VTI1A: variants seen among roughly 807,000 people sequenced by gnomAD.
VTI1A encodes vesicle transport through interaction with t-SNAREs homolog 1A.
A neutral mutation model predicts 34.9 loss-of-function variants in VTI1A; 22 were observed. The observed-to-expected ratio is 0.63, with a 90% CI of 0.45 to 0.90. The LOEUF (loss-of-function observed/expected upper bound fraction) is 0.90, where lower values mean the gene tolerates loss of function less well. VTI1A is among the 40% of genes least tolerant of loss of function. The probability of loss-of-function intolerance (pLI) is 0.00; values close to 1 mark genes in which losing one functional copy is unlikely to be tolerated. For synonymous variants in VTI1A, 87 were observed against 97.3 expected (o/e 0.89, Z 0.62); for missense variants, 268 against 275.6 (o/e 0.97, Z 0.20).
intron 7 of VTI1A, among the ~76,000 whole-genome samples, chr10:112,719,239 A>G (rs1849709915): frequency 6.6e-6 from 1 of 152,196 alleles, no homozygotes; most frequent in African/African-American, 2.4e-5. Context: ...TGTTTATTCA[A>G]TTTTACTTCC....
intron 5 of VTI1A, among the ~76,000 whole-genome samples, chr10:112,646,971 T>A (rs1214688011): frequency 6.6e-6 from 1 of 152,200 alleles, no homozygotes; most frequent in Non-Finnish European, 1.5e-5. Flanking sequence ...TATTTTTATT[T>A]CTTTGCATGC....
At chr10:112,684,999 G>A (rs528693195) in intron 7 of VTI1A, among the ~76,000 whole-genome samples, 11 of 152,176 alleles carry the variant, frequency 7.2e-5, no homozygotes, top group South Asian at 4.2e-4. Context: ...CTGGCATTTC[G>A]TGTTTCAGAA....
the VTI1A span, among the ~76,000 whole-genome samples, chr10:112,843,854 C>T: frequency 6.6e-6 from 1 of 152,076 alleles, no homozygotes; most frequent in Non-Finnish European, 1.5e-5. Context: ...TCCAGGCCTA[C>T]CACGTGATCT....
chr10:112,611,305 T>C (rs190911421), intron 5 of VTI1A, among the ~76,000 whole-genome samples: 12 of 152,352 alleles, frequency 7.9e-5, no homozygotes, highest in Non-Finnish European at 1.5e-4. Context: ...CTCTACTCTT[T>C]TTATTGCCAT....
At chr10:112,693,760 G>A (rs1300713593) in intron 7 of VTI1A, among the ~76,000 whole-genome samples, 1 of 152,172 alleles carries the variant, frequency 6.6e-6, no homozygotes, top group African/African-American at 2.4e-5. Flanking sequence ...CTTTCTGAGT[G>A]CTGACTGACC....
intron 5 of VTI1A, among the ~76,000 whole-genome samples, chr10:112,625,990 CT>C (rs1291075646): frequency 6.6e-6 from 1 of 152,212 alleles, no homozygotes; most frequent in Non-Finnish European, 1.5e-5. Context: ...ATTTTTATTA[CT>C]GTTTTGTCTA....
At chr10:112,681,870 G>A (rs1412097994) in intron 7 of VTI1A, among the ~76,000 whole-genome samples, 2 of 152,062 alleles carry the variant, frequency 1.3e-5, no homozygotes, top group Admixed American at 1.3e-4. Context: ...TTTTATTGTG[G>A]CATATTATTA....
In VTI1A at chr10:112,447,288, T is replaced by C. The variant is rs528822443; in HGVS notation, c.-86T>C. Reference sequence around the variant, plus strand: ...CTGCTCTCGGGGGCACCTTCCGGGGTTCCTAAGCCGCGGGGCCCCTCGCTG... The same window carrying C: ...CTGCTCTCGGGGGCACCTTCCGGGGCTCCTAAGCCGCGGGGCCCCTCGCTG... On this transcript the variant is annotated 5_prime_UTR_variant, in exon 1 of 8. Coordinates refer to ENST00000393077, the MANE Select transcript of VTI1A (RefSeq NM_145206.4). 3.7e-4 allele frequency: 536 copies of C among 1,455,564 alleles called. 5 individuals carry two copies. The South Asian group carries it at 6.2e-3, about 17-fold the overall frequency. The allele number at this position is 1,455,564 out of a possible 1,614,324, so 90.2% of individuals were successfully genotyped here.
chr10:112,635,400 C>CA lies in VTI1A; in HGVS notation c.428-32815dup, dbSNP rs1846316629. Among the ~76,000 whole-genome samples, 3 of 152,136 alleles carry CA rather than the reference C, an allele frequency of 2.0e-5. No individual in the cohort carries two copies. In the South Asian group the frequency reaches 6.2e-4, roughly 32 times the overall value. ...ATTCCAGACAGGGAACCGCAAGGGT[C>CA]AAAGCTCAGAGGTGGCCAAGTCTAG... On this transcript the variant is annotated intron_variant, in intron 5 of 7. Coordinates refer to ENST00000393077, the MANE Select transcript of VTI1A (RefSeq NM_145206.4).
intron 5 of VTI1A, among the ~76,000 whole-genome samples, chr10:112,541,352 A>C (rs1046476573): frequency 1.3e-5 from 2 of 152,192 alleles, no homozygotes. Context: ...CAAAATGGAA[A>C]CTGTCAACCA....
chr10:112,546,054 A>G (rs557860039), intron 5 of VTI1A, among the ~76,000 whole-genome samples: 1 of 150,640 alleles, frequency 6.6e-6, no homozygotes. Flanking sequence ...ATATACGTGT[A>G]TACGCGTATG....
chr10:112,478,113 C>T (rs1156248284), intron 3 of VTI1A, among the ~76,000 whole-genome samples: 8 of 152,098 alleles, frequency 5.3e-5, no homozygotes, highest in Non-Finnish European at 1.0e-4. Flanking sequence ...TCTATTTATA[C>T]TTCAAAAATA....
intron 1 of VTI1A, among the ~76,000 whole-genome samples, chr10:112,456,656 A>G (rs942137587): frequency 3.3e-5 from 5 of 152,176 alleles, no homozygotes; most frequent in Admixed American, 2.6e-4. Flanking sequence ...CTTTCATTCT[A>G]TCTACTCAAT....
chr10:112,818,634 T>G lies in VTI1A; in HGVS notation c.*3251T>G, dbSNP rs1353203814. 1 of 220,732 alleles carries G rather than the reference T, an allele frequency of 4.5e-6. No homozygotes were observed. Among genetic ancestry groups the G allele is most frequent in the African/African-American group, 2.2e-5 (1 of 44,670 alleles). 13.7% of individuals were successfully genotyped at this position (220,732 alleles called of 1,614,324 possible). A position where few individuals can be genotyped will look rare whatever the true frequency, so the allele number is the denominator to read the frequency against. On this transcript the variant is annotated 3_prime_UTR_variant, in exon 8 of 8. Coordinates refer to ENST00000393077, the MANE Select transcript of VTI1A (RefSeq NM_145206.4). ...CATAAAAACTTGACAAGGAAATAATTGCGCATTGCCAGCAACTTGGCGCCT... is the reference window on the plus strand; with the variant it reads ...CATAAAAACTTGACAAGGAAATAATGGCGCATTGCCAGCAACTTGGCGCCT...
At chr10:112,668,111 AATGC>A in intron 5 of VTI1A, 103 bp from the exon 6 acceptor site, 1 of 763,518 alleles carries the variant, frequency 1.3e-6, no homozygotes, top group South Asian at 1.7e-5. Context: ...TCTGATGTAT[AATGC>A]ATGCATGCAA....
intron 7 of VTI1A, among the ~76,000 whole-genome samples, chr10:112,716,122 G>A (rs1269671615): frequency 6.6e-6 from 1 of 152,186 alleles, no homozygotes; most frequent in African/African-American, 2.4e-5. Flanking sequence ...AGAAGGCATG[G>A]AGGATGAGGA....
chr10:112,854,761 G>A, the VTI1A span, among the ~76,000 whole-genome samples: 2,033 of 152,290 alleles, frequency 0.013, 59 homozygotes, highest in African/African-American at 0.046. Context: ...AGTATGTAGG[G>A]AGAGCAATCG....
At chr10:112,648,987 TG>T (rs1846906295) in intron 5 of VTI1A, among the ~76,000 whole-genome samples, 1 of 152,164 alleles carries the variant, frequency 6.6e-6, no homozygotes, top group Non-Finnish European at 1.5e-5. Flanking sequence ...TTTAGATATT[TG>T]GGGTATTTTT....
At chr10:112,555,001 C>G (rs940078534) in intron 5 of VTI1A, among the ~76,000 whole-genome samples, 17 of 152,004 alleles carry the variant, frequency 1.1e-4, no homozygotes. Flanking sequence ...GACCATTTTA[C>G]TTATTAGAAG....
Sources: allele counts gnomAD v4.1 joint callset (sites outside exome capture counted in the v4.1 genomes callset), GRCh38; gene constraint gnomAD v4.1.1; transcripts MANE v1.5; gene names NCBI Gene and HGNC (gene_info 2026-07-23, HGNC 2026-07-21).